The following RTL4 variants were observed in gnomAD, a reference collection of about 807,000 sequenced individuals.
RTL4 encodes the protein retrotransposon Gag like 4.
A neutral mutation model predicts 5.3 loss-of-function variants in RTL4; 4 were observed. That is an observed-to-expected ratio of 0.75 (90% CI 0.37 to 1.72). RTL4 has a LOEUF of 1.72. Among genes scored for constraint, RTL4 ranks in the 40% most tolerant of loss-of-function variants. The pLI, the probability that RTL4 is intolerant of heterozygous loss-of-function variation, is 0.04. For synonymous variants in RTL4, 98 were observed against 87.3 expected, an observed-to-expected ratio of 1.12 and a Z score of -0.68; for missense variants, 260 against 227.1, an observed-to-expected ratio of 1.14 and a Z score of -0.93.
At chrX:112,163,279 G>T in the RTL4 span, among the ~76,000 whole-genome samples, 1 of 111,901 alleles carries the variant, frequency 8.9e-6, no homozygotes, top group African/African-American at 3.3e-5. Context: ...ATTTCCTAAG[G>T]CTTACTATCC....
chrX:112,400,611 G>A, the RTL4 span, among the ~76,000 whole-genome samples: 1 of 111,441 alleles, frequency 9.0e-6, no homozygotes, highest in South Asian at 3.7e-4. Flanking sequence ...GACAGACATT[G>A]TTAATTTTAT....
the RTL4 span, among the ~76,000 whole-genome samples, chrX:112,144,503 C>T: frequency 9.0e-6 from 1 of 111,100 alleles, no homozygotes; most frequent in Non-Finnish European, 1.9e-5. Context: ...ACTTTGAGAA[C>T]CACTGAGTTC....
At chrX:112,121,143 A>C in the RTL4 span, among the ~76,000 whole-genome samples, 2,653 of 111,921 alleles carry the variant, frequency 0.024, 34 homozygotes, top group Non-Finnish European at 0.035. Context: ...CTTAACATAA[A>C]AGTTAAAAAA....
the RTL4 span, among the ~76,000 whole-genome samples, chrX:112,238,341 A>G: frequency 1.8e-5 from 2 of 112,110 alleles, no homozygotes; most frequent in Non-Finnish European, 3.8e-5. Context: ...ATCATTCTAC[A>G]TCTTACTTTT....
At chrX:112,094,583 G>A in the RTL4 span, among the ~76,000 whole-genome samples, 1 of 109,484 alleles carries the variant, frequency 9.1e-6, no homozygotes, top group Non-Finnish European at 1.9e-5. Flanking sequence ...AGAGAGAGGA[G>A]GACTGAGCTG....
chrX:112,431,285 A>G, the RTL4 span, among the ~76,000 whole-genome samples: 1 of 111,485 alleles, frequency 9.0e-6, no homozygotes, highest in Non-Finnish European at 1.9e-5. Flanking sequence ...AAAGGCAGGC[A>G]TTGTTAAGAA....
chrX:112,158,643 G>C, the RTL4 span, among the ~76,000 whole-genome samples: 1 of 110,743 alleles, frequency 9.0e-6, no homozygotes, highest in African/African-American at 3.3e-5. Flanking sequence ...CATTATGCAT[G>C]CCTCTATAAC....
the RTL4 span, among the ~76,000 whole-genome samples, chrX:112,136,676 G>GA: frequency 9.0e-6 from 1 of 111,614 alleles, no homozygotes; most frequent in Non-Finnish European, 1.9e-5. Context: ...TACAGAACTG[G>GA]AAAAAACTGT....
the RTL4 span, among the ~76,000 whole-genome samples, chrX:112,293,216 C>T: frequency 8.9e-6 from 1 of 112,553 alleles, no homozygotes; most frequent in African/African-American, 3.2e-5. Flanking sequence ...GTTAGCAGTA[C>T]TTTCATCTTC....
At chrX:112,348,290 C>T in the RTL4 span, among the ~76,000 whole-genome samples, 1 of 109,491 alleles carries the variant, frequency 9.1e-6, no homozygotes, top group Non-Finnish European at 1.9e-5. Context: ...AGCAGTTAGG[C>T]TTCTCTTCCT....
At chrX:112,175,866 A>T in the RTL4 span, among the ~76,000 whole-genome samples, 1 of 111,321 alleles carries the variant, frequency 9.0e-6, no homozygotes, top group Non-Finnish European at 1.9e-5. Context: ...ATACTGTTGG[A>T]AGTTCTGGCC....
chrX:112,255,121 A>G, the RTL4 span, among the ~76,000 whole-genome samples: 1 of 111,860 alleles, frequency 8.9e-6, no homozygotes, highest in South Asian at 3.8e-4. Context: ...AGAGTGTGCT[A>G]TATAGTATGC....
chrX:112,120,103 A>G, the RTL4 span, among the ~76,000 whole-genome samples: 1 of 112,029 alleles, frequency 8.9e-6, no homozygotes, highest in South Asian at 3.7e-4. Context: ...ATTAGTCCCT[A>G]TTTGGAGCCA....
At chrX:112,174,373 T>A in the RTL4 span, among the ~76,000 whole-genome samples, 3 of 100,792 alleles carry the variant, frequency 3.0e-5, no homozygotes, top group Non-Finnish European at 6.0e-5. Context: ...AGAATGATGA[T>A]TTCCAATTTC....
upstream of RTL4, among the ~76,000 whole-genome samples, chrX:112,451,525 TATGTGTATGAAGCC>T (rs1207762565): frequency 8.9e-6 from 1 of 111,884 alleles, no homozygotes; most frequent in Non-Finnish European, 1.9e-5. Context: ...GAGAACTTGC[TATGTGTATGAAGCC>T]ATGCTAATCT....
chrX:112,192,630 T>A, the RTL4 span, among the ~76,000 whole-genome samples: 75 of 111,773 alleles, frequency 6.7e-4, no homozygotes, highest in Non-Finnish European at 1.3e-3. Context: ...ATTTTAGTAA[T>A]ATACAAAATT....
chrX:112,313,615 T>TCC, the RTL4 span, among the ~76,000 whole-genome samples: 2 of 110,198 alleles, frequency 1.8e-5, no homozygotes, highest in Non-Finnish European at 3.8e-5. Flanking sequence ...AACCTCTCTC[T>TCC]CTCTCTCTCT....
the RTL4 span, among the ~76,000 whole-genome samples, chrX:112,192,338 A>G: frequency 0.058 from 6,432 of 110,144 alleles, 490 homozygotes; most frequent in African/African-American, 0.2. Flanking sequence ...CTTATTTCCA[A>G]TCTTAGGGGA....
At chrX:112,131,727 G>A in the RTL4 span, among the ~76,000 whole-genome samples, 5 of 110,947 alleles carry the variant, frequency 4.5e-5, no homozygotes, top group Non-Finnish European at 5.7e-5. Context: ...CAGAGAAAGG[G>A]AGAAATTGGA....
Sources: gnomAD v4.1 joint callset for allele counts (sites outside exome capture counted in the v4.1 genomes callset) on GRCh38, gnomAD v4.1.1 for gene constraint, MANE v1.5 for transcripts, NCBI Gene and HGNC (gene_info 2026-07-23, HGNC 2026-07-21) for gene names.